The following IQGAP2 variants were observed in gnomAD, a reference collection of about 807,000 sequenced individuals.
IQGAP2 encodes ras GTPase-activating-like protein IQGAP2.
IQGAP2 carries 173 observed loss-of-function variants against 201.3 expected under a neutral mutation model. The ratio of observed to expected loss-of-function variants is 0.86; its 90% CI spans 0.76 to 0.98. IQGAP2 has a LOEUF of 0.98. Among genes scored for constraint, IQGAP2 ranks in the 50% least tolerant of loss-of-function variants. IQGAP2 has a pLI of 0.00. For missense variants in IQGAP2, 1,687 were observed against 1,864.8 expected (o/e 0.90, Z 1.76); for synonymous variants, 675 against 673.9 (o/e 1.00, Z -0.03).
intron 30 of IQGAP2, among the ~76,000 whole-genome samples, chr5:76,686,710 C>T (rs1745796559): frequency 6.6e-6 from 1 of 152,108 alleles, no homozygotes; most frequent in Non-Finnish European, 1.5e-5. Flanking sequence ...GGAGTTTCAT[C>T]ATGTCAGCCA....
intron 2 of IQGAP2, among the ~76,000 whole-genome samples, chr5:76,495,250 C>G (rs537366309): frequency 1.3e-5 from 2 of 152,340 alleles, no homozygotes; most frequent in South Asian, 4.1e-4. Flanking sequence ...AGGCACCAGC[C>G]TAGAGCACAA....
intron 1 of IQGAP2, among the ~76,000 whole-genome samples, chr5:76,408,448 G>A (rs915550303): frequency 6.6e-6 from 1 of 152,200 alleles, no homozygotes; most frequent in Admixed American, 6.5e-5. Context: ...AGGCCACCCT[G>A]CTAGCTGGTG....
At chr5:76,625,896 G>A (rs531501267) in intron 13 of IQGAP2, among the ~76,000 whole-genome samples, 1 of 152,260 alleles carries the variant, frequency 6.6e-6, no homozygotes, top group South Asian at 2.1e-4. Context: ...TTTGTTAAAT[G>A]TCACATGTTT....
intron 2 of IQGAP2, among the ~76,000 whole-genome samples, chr5:76,559,404 C>T (rs1312141411): frequency 2.0e-5 from 3 of 152,178 alleles, no homozygotes. Flanking sequence ...ACTGTCAGCA[C>T]ATTACTCCTC....
At chr5:76,426,954 A>G (rs1191500467) in intron 1 of IQGAP2, among the ~76,000 whole-genome samples, 1 of 115,378 alleles carries the variant, frequency 8.7e-6, no homozygotes, top group African/African-American at 2.8e-5. Context: ...GCAGGACTTT[A>G]CTGAAAAATG....
At chr5:76,654,652 C>A (rs1426266921) in intron 19 of IQGAP2, among the ~76,000 whole-genome samples, 1 of 152,218 alleles carries the variant, frequency 6.6e-6, no homozygotes, top group East Asian at 1.9e-4. Context: ...GATATGGGAA[C>A]ATAGATTGGA....
chr5:76,618,485 A>C lies in IQGAP2; in HGVS notation c.1521+7302A>C, dbSNP rs750871274. 2.5e-6 allele frequency: 4 copies of C among 1,614,084 alleles called. No individual in the cohort carries two copies. In the South Asian group the frequency reaches 3.3e-5, roughly 13 times the overall value. On this transcript the variant is annotated intron_variant, in intron 13 of 35. Transcript: ENST00000274364. ...CATTTTTCACATGGAGATGTGAAGC[A>C]CTTTCTTCAGGGCACTTAATTTTTA... is the stretch of plus-strand genomic sequence containing the variant.
chr5:76,543,822 T>C (rs1009909929), intron 2 of IQGAP2, among the ~76,000 whole-genome samples: 14 of 152,208 alleles, frequency 9.2e-5, no homozygotes, highest in Admixed American at 3.9e-4. Context: ...TTTTTTGTTT[T>C]TTGTTTTTGT....
chr5:76,683,232 C>A lies in IQGAP2; in HGVS notation c.3763+15C>A. On this transcript the variant is annotated intron_variant, in intron 29 of 35. Coordinates refer to ENST00000274364, the MANE Select transcript of IQGAP2 (RefSeq NM_006633.5). ...ATCTTTTCTTGGTAAGAGCTTGTTC[C>A]TTCTACTTATCCCTTGGTTTTTGTT... 2 of 1,579,810 alleles carry A rather than the reference C, an allele frequency of 1.3e-6. No individual in the cohort carries two copies. The highest frequency in any genetic ancestry group is 1.7e-6 in the Non-Finnish European group (2 of 1,155,294).
chr5:76,537,901 G>T lies in IQGAP2; in HGVS notation c.147-24495G>T, dbSNP rs368210511. On this transcript the variant is annotated intron_variant, in intron 2 of 35. Transcript: ENST00000274364. ...GATTAAGTAACCTCTGTAATATGGG[G>T]GTGCCACCACTGCTTTGCAGAGCTG... Among the ~76,000 whole-genome samples, 8 of 152,248 alleles carry T rather than the reference G, an allele frequency of 5.3e-5. No homozygotes were observed. The East Asian group carries it at 1.4e-3, about 26-fold the overall frequency.
At chr5:76,695,397 T>C (rs768035887) in intron 31 of IQGAP2, 57 bp from the exon 32 acceptor site, 61 of 1,435,528 alleles carry the variant, frequency 4.2e-5, no homozygotes, top group Non-Finnish European at 5.8e-5. Context: ...GTGTAGCTTA[T>C]GAACTGTGAA....
chr5:76,617,976 G>A (rs1180098418), intron 13 of IQGAP2: 6 of 1,614,172 alleles, frequency 3.7e-6, no homozygotes, highest in East Asian at 2.2e-5. Flanking sequence ...ATCATGGCAG[G>A]TGGTGATGTC....
chr5:76,439,855 T>C lies in IQGAP2; in HGVS notation c.47-21715T>C, dbSNP rs148584932. Among the ~76,000 whole-genome samples, 406 of 152,340 alleles carry C rather than the reference T, an allele frequency of 2.7e-3. 4 individuals carry two copies. The highest frequency in any genetic ancestry group is 6.8e-3 in the Middle Eastern group (2 of 294). ...CATTTAGGCTATTTATGTTCAATGTTAATATTGAAATGTGAGGTACTGTTC... is the reference window on the plus strand; with the variant it reads ...CATTTAGGCTATTTATGTTCAATGTCAATATTGAAATGTGAGGTACTGTTC... On this transcript the variant is annotated intron_variant, in intron 1 of 35. Coordinates refer to ENST00000274364, the MANE Select transcript of IQGAP2 (RefSeq NM_006633.5).
At chr5:76,622,201 G>A (rs1005925601) in intron 13 of IQGAP2, among the ~76,000 whole-genome samples, 3 of 151,604 alleles carry the variant, frequency 2.0e-5, no homozygotes, top group Non-Finnish European at 2.9e-5. Flanking sequence ...AACCCTATTA[G>A]CGTCTTGAAG....
intron 2 of IQGAP2, among the ~76,000 whole-genome samples, chr5:76,478,022 AG>A (rs34658608): frequency 0.29 from 43,843 of 152,118 alleles, 6,644 homozygotes; most frequent in East Asian, 0.49. Context: ...AAAGTAAAAA[AG>A]TTACAGTAAG....
intron 8 of IQGAP2, among the ~76,000 whole-genome samples, chr5:76,590,900 G>A (rs41271834): frequency 0.018 from 2,742 of 151,954 alleles, 39 homozygotes; most frequent in Non-Finnish European, 0.028. Flanking sequence ...GAGCCTGCGC[G>A]CTATAGTGAG....
chr5:76,531,851 C>A (rs12522582), intron 2 of IQGAP2, among the ~76,000 whole-genome samples: 68,326 of 152,048 alleles, frequency 0.45, 16,462 homozygotes, highest in East Asian at 0.91. Flanking sequence ...GCTTAGAAAC[C>A]ACAGAAATTT....
At chr5:76,524,625 A>G (rs1436131212) in intron 2 of IQGAP2, among the ~76,000 whole-genome samples, 1 of 152,216 alleles carries the variant, frequency 6.6e-6, no homozygotes, top group Non-Finnish European at 1.5e-5. Flanking sequence ...CAAAAAACAT[A>G]AGAGTTGAAC....
At chr5:76,440,899 C>A (rs548468264) in intron 1 of IQGAP2, among the ~76,000 whole-genome samples, 1 of 152,022 alleles carries the variant, frequency 6.6e-6, no homozygotes, top group Admixed American at 6.6e-5. Context: ...GGCGTGGTGG[C>A]GGATGCCTGT....
Sources: allele counts gnomAD v4.1 joint callset (sites outside exome capture counted in the v4.1 genomes callset), GRCh38; gene constraint gnomAD v4.1.1; transcripts MANE v1.5; gene names NCBI Gene and HGNC (gene_info 2026-07-23, HGNC 2026-07-21).